IL19: variants seen among roughly 807,000 people sequenced by gnomAD.
IL19 encodes interleukin-19.
A neutral mutation model predicts 19.5 loss-of-function variants in IL19; 15 were observed. That is an observed-to-expected ratio of 0.77 (90% CI 0.52 to 1.19). The LOEUF (loss-of-function observed/expected upper bound fraction) is 1.19. Ranked by LOEUF, IL19 falls within the 50% of genes most tolerant of loss-of-function variation. The pLI is 0.00. For synonymous variants in IL19, 78 were observed against 78.3 expected, an observed-to-expected ratio of 1.00 and a Z score of 0.02; for missense variants, 199 against 213.1, an observed-to-expected ratio of 0.93 and a Z score of 0.41.
intron 1 of IL19, among the ~76,000 whole-genome samples, chr1:206,794,663 G>A (rs1302025926): frequency 1.3e-5 from 2 of 152,172 alleles, no homozygotes; most frequent in Non-Finnish European, 2.9e-5. Flanking sequence ...CACAAGGTGA[G>A]CAATAGGTTC....
chr1:206,818,011 G>T (rs1187026140), intron 2 of IL19, among the ~76,000 whole-genome samples: 1 of 152,156 alleles, frequency 6.6e-6, no homozygotes, highest in African/African-American at 2.4e-5. Flanking sequence ...TGATCTGCCT[G>T]CCTCAGCCTC....
At chr1:206,785,242 G>A (rs17015865) in intron 1 of IL19, among the ~76,000 whole-genome samples, 30,944 of 152,070 alleles carry the variant, frequency 0.2, 3,399 homozygotes, top group Non-Finnish European at 0.23. Context: ...GTAGACTGAA[G>A]ACCCATGGAA....
chr1:206,806,722 C>T (rs775464715), intron 2 of IL19, among the ~76,000 whole-genome samples: 1 of 152,090 alleles, frequency 6.6e-6, no homozygotes. Context: ...CGATTTGGTC[C>T]CCTTTCCACT....
At chr1:206,810,648 T>G (rs1878673) in intron 2 of IL19, among the ~76,000 whole-genome samples, 45,570 of 152,032 alleles carry the variant, frequency 0.3, 7,068 homozygotes, top group East Asian at 0.41. Context: ...GACTCCCATA[T>G]AGCAGAGGCC....
chr1:206,782,275 C>G (rs1159082292), intron 1 of IL19, among the ~76,000 whole-genome samples: 1 of 152,026 alleles, frequency 6.6e-6, no homozygotes, highest in East Asian at 1.9e-4. Flanking sequence ...AACTCTCTGG[C>G]TTGATAGAAG....
At chr1:206,801,964 G>A (rs181031945) in intron 2 of IL19, among the ~76,000 whole-genome samples, 1 of 152,196 alleles carries the variant, frequency 6.6e-6, no homozygotes, top group South Asian at 2.1e-4. Flanking sequence ...GGGACATTTG[G>A]GTGGAAGAAA....
chr1:206,840,191 T>G lies in IL19; in HGVS notation c.363+189T>G, dbSNP rs531256504. 603 of 725,320 alleles carry G rather than the reference T, an allele frequency of 8.3e-4. 4 individuals are homozygous for G. The African/African-American group carries it at 9.2e-3, about 11-fold the overall frequency. The allele number at this position is 725,320 out of a possible 1,614,324, so 44.9% of individuals were successfully genotyped here. On this transcript the variant is annotated intron_variant, in intron 5 of 6. Transcript: ENST00000659997. Reference sequence around the variant, plus strand: ...TGCTTCCCCAGGGCTCCCTGCCTGCTGACAACTCCTCAGATGGTCTCCTCC... The same window carrying G: ...TGCTTCCCCAGGGCTCCCTGCCTGCGGACAACTCCTCAGATGGTCTCCTCC...
At chr1:206,799,200 C>A (rs1326020774) in intron 2 of IL19, among the ~76,000 whole-genome samples, 194 bp downstream of exon 2, 1 of 152,072 alleles carries the variant, frequency 6.6e-6, no homozygotes, top group African/African-American at 2.4e-5. Flanking sequence ...GGTCACCATA[C>A]TGGAGATGCT....
chr1:206,833,849 A>G (rs1370816615), intron 2 of IL19: 3 of 985,424 alleles, frequency 3.0e-6, no homozygotes, highest in Non-Finnish European at 3.6e-6. Flanking sequence ...GTTCAACAAA[A>G]TGATGCAGGT....
chr1:206,791,364 A>G (rs931248034), intron 1 of IL19, among the ~76,000 whole-genome samples: 1 of 147,328 alleles, frequency 6.8e-6, no homozygotes, highest in African/African-American at 2.5e-5. Flanking sequence ...GTACAATGGC[A>G]TGATCTTGGC....
chr1:206,771,264 G>A, intron 1 of IL19, 186 bp downstream of exon 1: 1 of 1,303,576 alleles, frequency 7.7e-7, no homozygotes, highest in Non-Finnish European at 1.1e-6. Flanking sequence ...CAAAGCGAAG[G>A]AAACAAACCC....
rs140559090 is a variant in IL19 at position 206,820,786 on chromosome 1, T to G, written c.-2-15875T>G. 1.2e-3 allele frequency among the ~76,000 whole-genome samples: 184 copies of G among 152,324 alleles called. 4 individuals carry two copies. In the South Asian group the frequency reaches 0.022, roughly 18 times the overall value. On this transcript the variant is annotated intron_variant, in intron 2 of 6. Transcript: ENST00000659997. ...CAACTCTGAGAGTCTTGTCAGCTTT[T>G]CTCATGGCTTCCTGCCGCCTCCTCC... is the stretch of plus-strand genomic sequence containing the variant.
chr1:206,772,400 G>A (rs1674878729), intron 1 of IL19: 1 of 1,614,134 alleles, frequency 6.2e-7, no homozygotes, highest in South Asian at 1.1e-5. Flanking sequence ...CCCCAGTCAG[G>A]AGGACCAGGC....
In IL19 at chr1:206,778,779, A is replaced by G. The variant is rs543151889; in HGVS notation, c.-149+7701A>G. Among the ~76,000 whole-genome samples the G allele has an allele frequency of 2.6e-5, 4 of 152,290 alleles. No homozygotes were observed. In the South Asian group the frequency reaches 8.3e-4, roughly 32 times the overall value. On this transcript the variant is annotated intron_variant, in intron 1 of 6. Coordinates refer to ENST00000659997, the MANE Select transcript of IL19 (RefSeq NM_153758.5). The stretch of plus-strand genomic sequence containing the variant: ...GCACCCTCGCTCAGTAAATGGAACT[A>G]TCAATTAACTCTAGAAATGATTTGT...
intron 1 of IL19, among the ~76,000 whole-genome samples, chr1:206,774,885 GA>G (rs1158939056): frequency 5.9e-5 from 9 of 152,094 alleles, no homozygotes; most frequent in African/African-American, 2.2e-4. Flanking sequence ...GTGACTCAGG[GA>G]TGCAGGCAGC....
At chr1:206,828,707 AT>A (rs531633211) in intron 2 of IL19, among the ~76,000 whole-genome samples, 2,408 of 151,406 alleles carry the variant, frequency 0.016, 27 homozygotes, top group Middle Eastern at 0.044. Flanking sequence ...AAGAATAAAG[AT>A]TTTTTTTTCT....
At chr1:206,799,719 A>G (rs1273622551) in intron 2 of IL19, among the ~76,000 whole-genome samples, 2 of 152,214 alleles carry the variant, frequency 1.3e-5, no homozygotes, top group African/African-American at 4.8e-5. Flanking sequence ...CCACTTTCCA[A>G]TCAGCTATAG....
chr1:206,793,189 C>A (rs760741816), intron 1 of IL19, among the ~76,000 whole-genome samples: 3 of 152,250 alleles, frequency 2.0e-5, no homozygotes, highest in Admixed American at 6.5e-5. Flanking sequence ...TAAATCCCGA[C>A]GGGGACTTCT....
At chr1:206,808,797 C>A (rs1163897340) in intron 2 of IL19, among the ~76,000 whole-genome samples, 2 of 152,076 alleles carry the variant, frequency 1.3e-5, no homozygotes, top group Non-Finnish European at 2.9e-5. Context: ...GGCTCCCAGC[C>A]CATTTGGTCT....
Sources: allele counts gnomAD v4.1 joint callset (sites outside exome capture counted in the v4.1 genomes callset), GRCh38; gene constraint gnomAD v4.1.1; transcripts MANE v1.5; gene names NCBI Gene and HGNC (gene_info 2026-07-23, HGNC 2026-07-21).